Variants in ALPK1 observed in about 807,000 individuals in gnomAD.
ALPK1 encodes the protein alpha-protein kinase 1.
In ALPK1, 110 loss-of-function variants were observed where a neutral mutation model predicts 120.6. The ratio of observed to expected loss-of-function variants is 0.91; its 90% CI spans 0.78 to 1.07. The LOEUF is 1.07. Among genes scored for constraint, ALPK1 ranks in the 50% least tolerant of loss-of-function variants. The pLI is 0.00. For synonymous variants in ALPK1, 582 were observed against 560.3 expected, an observed-to-expected ratio of 1.04 and a Z score of -0.55; for missense variants, 1,498 against 1,483.9, an observed-to-expected ratio of 1.01 and a Z score of -0.16.
At chr4:112,388,171 G>T (rs1179716617) in intron 4 of ALPK1, among the ~76,000 whole-genome samples, 1 of 151,930 alleles carries the variant, frequency 6.6e-6, no homozygotes, top group Non-Finnish European at 1.5e-5. Flanking sequence ...GTATTATCTT[G>T]GTGCCTTTGA....
intron 4 of ALPK1, among the ~76,000 whole-genome samples, chr4:112,397,509 T>C (rs1732702490): frequency 6.6e-6 from 1 of 152,226 alleles, no homozygotes; most frequent in African/African-American, 2.4e-5. Flanking sequence ...GGGCACTGTA[T>C]GTGAAATCGA....
chr4:112,345,626 G>C (rs953142834), intron 2 of ALPK1, among the ~76,000 whole-genome samples: 3 of 151,898 alleles, frequency 2.0e-5, no homozygotes, highest in African/African-American at 7.3e-5. Context: ...TTTTTGTTGG[G>C]GTCCTCAAAA....
chr4:112,347,067 C>CT (rs754431189), intron 2 of ALPK1, among the ~76,000 whole-genome samples: 1 of 152,166 alleles, frequency 6.6e-6, no homozygotes, highest in Non-Finnish European at 1.5e-5. Flanking sequence ...AATTAGGATA[C>CT]TTTTTCCCCA....
At position 112,430,751 on chromosome 4, in the gene ALPK1, G is replaced by A. The variant is rs1246985560; in HGVS notation, c.1204G>A (p.Glu402Lys). 6.2e-6 allele frequency: 10 copies of A among 1,614,256 alleles called. No individual in the cohort carries two copies. The highest frequency in any genetic ancestry group is 8.5e-6 in the Non-Finnish European group (10 of 1,180,048). Residue 402 changes from glutamate (E) to lysine (K), a missense_variant, in exon 11 of 16, where the codon GAA becomes AAA. By Grantham distance (56) the Glu-to-Lys change is moderately conservative. Transcript: ENST00000650871. ...CACTTCCTCCAGAAGTCAGGACAGA[G>A]AAGCTCTGTCTCAAGAAGTTATGTC... ...FSTSSRSQDREALSQEVMSVI... is the reference protein window; with the variant it reads ...FSTSSRSQDRKALSQEVMSVI...
chr4:112,409,432 A>T (rs1733347927), intron 4 of ALPK1, among the ~76,000 whole-genome samples: 1 of 152,238 alleles, frequency 6.6e-6, no homozygotes, highest in East Asian at 1.9e-4. Flanking sequence ...AAAGAGGCAA[A>T]CAAGAGATGA....
chr4:112,415,642 A>AG (rs1733712200), intron 5 of ALPK1, among the ~76,000 whole-genome samples: 1 of 138,408 alleles, frequency 7.2e-6, no homozygotes, highest in African/African-American at 2.8e-5. Flanking sequence ...CTCAAAAAAA[A>AG]AAAGAAAGAA....
chr4:112,356,570 C>T (rs2148713949), intron 2 of ALPK1: 3 of 802,912 alleles, frequency 3.7e-6, no homozygotes, highest in Non-Finnish European at 2.2e-6. Flanking sequence ...TGTGCATCCA[C>T]CCTGAGGTGA....
chr4:112,326,457 C>T (rs895349648), intron 2 of ALPK1, among the ~76,000 whole-genome samples: 1 of 152,112 alleles, frequency 6.6e-6, no homozygotes, highest in African/African-American at 2.4e-5. Context: ...TCTTGCCCCA[C>T]CTACCTAGCA....
chr4:112,300,441 A>G (rs1727736206), intron 1 of ALPK1, among the ~76,000 whole-genome samples: 1 of 151,878 alleles, frequency 6.6e-6, no homozygotes, highest in South Asian at 2.1e-4. Flanking sequence ...TATATTGCTA[A>G]TAATATATAG....
chr4:112,362,021 C>T (rs1332885492), intron 2 of ALPK1, among the ~76,000 whole-genome samples: 1 of 152,230 alleles, frequency 6.6e-6, no homozygotes, highest in Non-Finnish European at 1.5e-5. Context: ...CAGGAAGCCC[C>T]ATTCCTAGGG....
chr4:112,393,910 T>C (rs974634461), intron 4 of ALPK1, among the ~76,000 whole-genome samples: 1 of 148,144 alleles, frequency 6.8e-6, no homozygotes, highest in African/African-American at 2.6e-5. Context: ...CTGGTGTGCA[T>C]ACACACATAC....
chr4:112,417,526 A>G (rs1413719086), intron 5 of ALPK1, among the ~76,000 whole-genome samples: 1 of 152,138 alleles, frequency 6.6e-6, no homozygotes, highest in African/African-American at 2.4e-5. Flanking sequence ...TCACTCTGTT[A>G]CCCAGGCTAG....
chr4:112,308,447 CT>C (rs888840539), intron 1 of ALPK1, among the ~76,000 whole-genome samples: 2 of 152,068 alleles, frequency 1.3e-5, no homozygotes, highest in South Asian at 2.1e-4. Context: ...TTATTCATTT[CT>C]TTCTACTCTT....
chr4:112,406,421 A>T (rs987200623), intron 4 of ALPK1, among the ~76,000 whole-genome samples: 1 of 152,232 alleles, frequency 6.6e-6, no homozygotes, highest in Non-Finnish European at 1.5e-5. Context: ...AAAGTGGTCA[A>T]CTTCATAGAA....
rs139164947 is a variant in ALPK1 at position 112,316,611 on chromosome 4, T to A, written c.-101+759T>A. Among the ~76,000 whole-genome samples, 608 of 152,302 alleles carry A rather than the reference T, an allele frequency of 4.0e-3. 2 individuals are homozygous for A. Among genetic ancestry groups the A allele is most frequent in the African/African-American group, 0.013 (545 of 41,578 alleles). On this transcript the variant is annotated intron_variant, in intron 2 of 15. Coordinates refer to ENST00000650871, the MANE Select transcript of ALPK1 (RefSeq NM_025144.4). ...TGACAATACTGCATAAGATTTCTGA[T>A]TTCTCCACATCCTTTCCAACATGTT...
chr4:112,426,211 A>C, intron 7 of ALPK1: 1 of 250,254 alleles, frequency 4.0e-6, no homozygotes, highest in Admixed American at 5.3e-5. Context: ...TTTGTAAAAA[A>C]CTGAGATAAC....
At position 112,411,883 on chromosome 4, in the gene ALPK1, G is replaced by A. The variant is rs370872798; in HGVS notation, c.333G>A (p.Val111=). ...ARDCAAAAAI[V]FLVDRFLYGL... is the part of the protein sequence containing the mutation. ...ACTGTGCGGCTGCGGCGGCTATTGT[G>A]TTCTTGGTGGACCGGTTCCTGTATG... is the stretch of plus-strand genomic sequence containing the variant. The change falls in exon 5 of 16, where the codon GTG becomes GTA. Residue 111 remains valine, a synonymous_variant. Coordinates refer to ENST00000650871, the MANE Select transcript of ALPK1 (RefSeq NM_025144.4). The A allele has an allele frequency of 3.7e-6, 6 of 1,613,904 alleles. No individual in the cohort carries two copies. Among genetic ancestry groups the A allele is most frequent in the Non-Finnish European group, 5.1e-6 (6 of 1,180,004 alleles).
At chr4:112,356,764 C>A in intron 2 of ALPK1, 1 of 766,006 alleles carries the variant, frequency 1.3e-6, no homozygotes, top group Non-Finnish European at 2.4e-6. Flanking sequence ...ATTACCTGTC[C>A]CGGAACCTGA....
At chr4:112,342,331 G>T (rs1729898692) in intron 2 of ALPK1, among the ~76,000 whole-genome samples, 1 of 152,088 alleles carries the variant, frequency 6.6e-6, no homozygotes, top group Non-Finnish European at 1.5e-5. Flanking sequence ...AACCAATTTA[G>T]GACAGAACAA....
Sources: allele counts gnomAD v4.1 joint callset (sites outside exome capture counted in the v4.1 genomes callset), GRCh38; gene constraint gnomAD v4.1.1; transcripts MANE v1.5; gene names NCBI Gene and HGNC (gene_info 2026-07-23, HGNC 2026-07-21).